ROR2: variants seen among roughly 807,000 people sequenced by gnomAD.
ROR2 encodes the protein ROR family WNT receptor 2.
In ROR2, 33 loss-of-function variants were observed where a neutral mutation model predicts 74.9. The ratio of observed to expected loss-of-function variants is 0.44; its 90% confidence interval spans 0.33 to 0.59. The LOEUF (loss-of-function observed/expected upper bound fraction) is 0.59, where lower values mean the gene tolerates loss of function less well. ROR2 is among the 20% of genes least tolerant of loss of function. ROR2 has a pLI of 0.02. For missense variants in ROR2, 1,216 were observed against 1,313.8 expected, an observed-to-expected ratio of 0.93 and a Z score of 1.15; for synonymous variants, 586 against 558.7, an observed-to-expected ratio of 1.05 and a Z score of -0.69.
intron 1 of ROR2, among the ~76,000 whole-genome samples, chr9:91,823,374 G>A (rs1015653478): frequency 2.7e-5 from 4 of 149,136 alleles, no homozygotes; most frequent in East Asian, 1.9e-4. Flanking sequence ...TTGCTCTCTC[G>A]CCCAGGCTGG....
intron 1 of ROR2, among the ~76,000 whole-genome samples, chr9:91,840,508 T>C (rs1828751002): frequency 6.6e-6 from 1 of 152,194 alleles, no homozygotes; most frequent in Non-Finnish European, 1.5e-5. Flanking sequence ...TTCTTTCCAG[T>C]TTTGATGCCA....
At chr9:91,791,246 G>A (rs897775165) in intron 1 of ROR2, among the ~76,000 whole-genome samples, 10 of 152,130 alleles carry the variant, frequency 6.6e-5, no homozygotes, top group African/African-American at 1.2e-4. Context: ...TCTATATTTA[G>A]ATACACGAAT....
At chr9:91,892,158 G>A (rs1026866200) in intron 1 of ROR2, among the ~76,000 whole-genome samples, 2 of 151,852 alleles carry the variant, frequency 1.3e-5, no homozygotes, top group African/African-American at 2.4e-5. Flanking sequence ...AAGGGCTCCT[G>A]TGATGAAGCC....
chr9:91,732,484 T>G (rs1291743692), intron 6 of ROR2, among the ~76,000 whole-genome samples: 2 of 152,136 alleles, frequency 1.3e-5, no homozygotes, highest in African/African-American at 4.8e-5. Flanking sequence ...GCTCATCCCT[T>G]AGGCCCCACG....
chr9:91,903,075 T>C (rs1830715163), intron 1 of ROR2, among the ~76,000 whole-genome samples: 1 of 152,080 alleles, frequency 6.6e-6, no homozygotes, highest in Non-Finnish European at 1.5e-5. Context: ...CACCAAACAA[T>C]ACTTATGATG....
At chr9:91,801,360 G>A (rs1827373168) in intron 1 of ROR2, among the ~76,000 whole-genome samples, 1 of 152,080 alleles carries the variant, frequency 6.6e-6, no homozygotes, top group South Asian at 2.1e-4. Flanking sequence ...TTGAGATGGA[G>A]TCTCACTCTG....
chr9:91,808,741 G>A (rs551323941), intron 1 of ROR2, among the ~76,000 whole-genome samples: 7 of 152,254 alleles, frequency 4.6e-5, no homozygotes, highest in East Asian at 1.9e-4. Flanking sequence ...GGCGGATCAC[G>A]AGGTCAGGAG....
chr9:91,868,672 A>C lies in ROR2; in HGVS notation c.97+81195T>G, dbSNP rs148006329. On this transcript the variant is annotated intron_variant, in intron 1 of 8. Coordinates refer to ENST00000375708, the MANE Select transcript of ROR2 (RefSeq NM_004560.4). ...CAGAAGGATGTGGCACAGACTATTT[A>C]AAGTGCTCAAAGACACAGACAATCA... 2.6e-5 allele frequency among the ~76,000 whole-genome samples: 4 copies of C among 152,374 alleles called. No homozygotes were observed. In the East Asian group the frequency reaches 7.7e-4, roughly 29 times the overall value.
chr9:91,744,758 AG>A (rs1825355067), intron 4 of ROR2, among the ~76,000 whole-genome samples: 1 of 152,228 alleles, frequency 6.6e-6, no homozygotes, highest in Non-Finnish European at 1.5e-5. Context: ...CTCTAAGGCC[AG>A]GATCACATAA....
chr9:91,865,224 C>T (rs898858386), intron 1 of ROR2, among the ~76,000 whole-genome samples: 4 of 152,208 alleles, frequency 2.6e-5, no homozygotes, highest in African/African-American at 7.2e-5. Context: ...ACTTGCTGCT[C>T]TTAAGCCCAT....
intron 2 of ROR2, among the ~76,000 whole-genome samples, chr9:91,764,559 T>TACAC (rs11405599): frequency 0.065 from 9,594 of 147,644 alleles, 341 homozygotes; most frequent in East Asian, 0.11. Context: ...TATAATCACT[T>TACAC]ACACACACAC....
At chr9:91,871,015 A>G (rs1396176478) in intron 1 of ROR2, among the ~76,000 whole-genome samples, 1 of 152,236 alleles carries the variant, frequency 6.6e-6, no homozygotes, top group Non-Finnish European at 1.5e-5. Context: ...TTACTCTTTA[A>G]AGCAATGCCT....
intron 1 of ROR2, among the ~76,000 whole-genome samples, chr9:91,837,689 G>A (rs1456658335): frequency 1.3e-5 from 2 of 152,124 alleles, no homozygotes; most frequent in Non-Finnish European, 2.9e-5. Context: ...GATGTTTAAC[G>A]TGTTTTAAAA....
Position 91,757,340 on chromosome 9 carries a change from T to A in ROR2, c.395A>T (p.Tyr132Phe), listed in dbSNP as rs766409977. Residue 132 changes from tyrosine to phenylalanine, a missense_variant, in exon 3 of 9, where the codon TAC becomes TTC. Physicochemically the swap from Tyr to Phe is conservative, Grantham distance 22 (BLOSUM62 3). Coordinates refer to ENST00000375708, the MANE Select transcript of ROR2 (RefSeq NM_004560.4). ...IQDLDTTDTG[Y>F]YQCVATNGMK... The stretch of plus-strand genomic sequence containing the variant: ...CCCGTTGGTGGCCACGCACTGGTAG[T>A]AGCCAGTGTCTGTCGTGTCCAGGTC... The A allele has an allele frequency of 6.2e-7, 1 of 1,613,922 alleles. No individual in the cohort carries two copies. Among genetic ancestry groups the A allele is most frequent in the Non-Finnish European group, 8.5e-7 (1 of 1,179,998 alleles).
chr9:91,808,334 A>T (rs1211917075), intron 1 of ROR2, among the ~76,000 whole-genome samples: 1 of 152,238 alleles, frequency 6.6e-6, no homozygotes, highest in African/African-American at 2.4e-5. Context: ...CCTCTCCTCA[A>T]TTAAAATCTT....
intron 1 of ROR2, among the ~76,000 whole-genome samples, chr9:91,812,212 A>ATCTACACAATCCCT (rs1197741331): frequency 6.6e-6 from 1 of 152,188 alleles, no homozygotes; most frequent in Non-Finnish European, 1.5e-5. Flanking sequence ...CTCTGCTGAA[A>ATCTACACAATCCCT]TCTACACAAT....
At chr9:91,949,361 T>A (rs926032700) in intron 1 of ROR2, among the ~76,000 whole-genome samples, 1 of 149,720 alleles carries the variant, frequency 6.7e-6, no homozygotes, top group Non-Finnish European at 1.5e-5. Context: ...AAGAGCCGCT[T>A]CTCCGGGGCC....
At chr9:91,920,938 A>T (rs1483949555) in intron 1 of ROR2, among the ~76,000 whole-genome samples, 1 of 152,264 alleles carries the variant, frequency 6.6e-6, no homozygotes, top group East Asian at 1.9e-4. Context: ...CTAAAATATG[A>T]AAATAACTCA....
chr9:91,761,684 C>G (rs563912655), intron 2 of ROR2, among the ~76,000 whole-genome samples: 16 of 152,312 alleles, frequency 1.1e-4, no homozygotes, highest in African/African-American at 3.6e-4. Context: ...CGCACCAGTA[C>G]CAGTCCATGG....
Sources: allele counts gnomAD v4.1 joint callset (sites outside exome capture counted in the v4.1 genomes callset), GRCh38; gene constraint gnomAD v4.1.1; transcripts MANE v1.5; gene names NCBI Gene and HGNC (gene_info 2026-07-23, HGNC 2026-07-21).